Variants in PTPRZ1 observed in about 807,000 individuals in gnomAD.
PTPRZ1 encodes receptor-type tyrosine-protein phosphatase zeta.
In PTPRZ1, 82 loss-of-function variants were observed where a neutral mutation model predicts 214.1. The ratio of observed to expected loss-of-function variants is 0.38; its 90% CI spans 0.32 to 0.46. PTPRZ1 has a LOEUF of 0.46. Ranked by LOEUF, PTPRZ1 falls within the 20% of genes least tolerant of loss-of-function variation. The probability of loss-of-function intolerance (pLI) is 1.00; values close to 1 mark genes in which losing one functional copy is unlikely to be tolerated. For synonymous variants in PTPRZ1, 945 were observed against 987.9 expected (o/e 0.96, Z 0.81); for missense variants, 2,603 against 2,748.7 (o/e 0.95, Z 1.19).
At chr7:121,925,492 A>T (rs566716592) in intron 1 of PTPRZ1, among the ~76,000 whole-genome samples, 2 of 152,378 alleles carry the variant, frequency 1.3e-5, no homozygotes, top group Admixed American at 1.3e-4. Context: ...TGGATGAATA[A>T]AATATGGTAT....
At chr7:121,937,043 G>A (rs1299667708) in intron 2 of PTPRZ1, among the ~76,000 whole-genome samples, 1 of 152,204 alleles carries the variant, frequency 6.6e-6, no homozygotes, top group Non-Finnish European at 1.5e-5. Flanking sequence ...GAGATCGTCT[G>A]TGGCCCTTAC....
At chr7:121,901,191 A>T (rs1190228832) in intron 1 of PTPRZ1, among the ~76,000 whole-genome samples, 1 of 152,190 alleles carries the variant, frequency 6.6e-6, no homozygotes, top group Non-Finnish European at 1.5e-5. Flanking sequence ...ATGTTATAAA[A>T]AGCCCCTTCC....
chr7:121,949,671 A>T (rs979749945), intron 2 of PTPRZ1, among the ~76,000 whole-genome samples: 3 of 152,314 alleles, frequency 2.0e-5, no homozygotes, highest in Admixed American at 1.3e-4. Context: ...GTTTGGCTTT[A>T]TACATTCTAG....
At chr7:121,984,639 T>C (rs1215678925) in intron 8 of PTPRZ1, among the ~76,000 whole-genome samples, 2 of 152,140 alleles carry the variant, frequency 1.3e-5, no homozygotes, top group African/African-American at 4.8e-5. Flanking sequence ...TAGCACCTTA[T>C]CAGTACTGAA....
intron 13 of PTPRZ1, among the ~76,000 whole-genome samples, chr7:122,024,635 A>G (rs953412758): frequency 6.6e-6 from 1 of 151,588 alleles, no homozygotes; most frequent in Admixed American, 6.6e-5. Flanking sequence ...GGTATTATTT[A>G]TAAGGTCTTT....
At chr7:121,982,745 T>C (rs1797647903) in intron 6 of PTPRZ1, among the ~76,000 whole-genome samples, 1 of 152,176 alleles carries the variant, frequency 6.6e-6, no homozygotes, top group African/African-American at 2.4e-5. Context: ...ATTTCACTTA[T>C]TATTTCTCAT....
chr7:121,928,269 T>G (rs1270879957), intron 2 of PTPRZ1, 48 bp downstream of exon 2: 4 of 1,383,584 alleles, frequency 2.9e-6, no homozygotes, highest in South Asian at 1.3e-5. Context: ...CTTTTATTGT[T>G]TTGTATCTAT....
chr7:121,982,565 T>C (rs574779584), intron 6 of PTPRZ1, among the ~76,000 whole-genome samples: 8 of 152,208 alleles, frequency 5.3e-5, no homozygotes, highest in Non-Finnish European at 1.2e-4. Context: ...GAATGTTTTG[T>C]AATTTTCAGT....
chr7:121,895,488 G>A (rs1281787411), intron 1 of PTPRZ1, among the ~76,000 whole-genome samples: 1 of 152,158 alleles, frequency 6.6e-6, no homozygotes, highest in Non-Finnish European at 1.5e-5. Context: ...TTTTTATTAA[G>A]AGAGATGTAA....
rs776106713 is a variant in PTPRZ1, at chr7:122,040,857, G to C, written c.5679G>C (p.Gln1893His). The C allele has an allele frequency of 6.3e-6, 10 of 1,599,362 alleles. No individual in the cohort carries two copies. Among genetic ancestry groups the C allele is most frequent in the Non-Finnish European group, 8.5e-6 (10 of 1,170,374 alleles). Residue 1893 changes from glutamine (Q) to histidine (H), a missense_variant, in exon 21 of 30, where the codon CAG becomes CAC. This residue lies in a region of PTPRZ1 where 1,913 missense variants were observed against 1,914.3 expected (regional missense o/e 1.00). Coordinates refer to ENST00000393386, the MANE Select transcript of PTPRZ1 (RefSeq NM_002851.3). ...GACCCAGTGGACGTGTGGTCACACA[G>C]TATCACTACACGCAGTGGCCTGACA... ...KGRPSGRVVT[Q>H]YHYTQWPDMG...
chr7:121,982,311 C>A (rs1471006907), intron 6 of PTPRZ1, among the ~76,000 whole-genome samples: 1 of 152,190 alleles, frequency 6.6e-6, no homozygotes, highest in African/African-American at 2.4e-5. Context: ...GACAGCTCTT[C>A]CTATCTGGTA....
intron 13 of PTPRZ1, among the ~76,000 whole-genome samples, chr7:122,022,290 A>G (rs1259374468): frequency 2.0e-5 from 3 of 152,160 alleles, no homozygotes; most frequent in African/African-American, 4.8e-5. Context: ...GTGTTTTTTC[A>G]TGTGCTTGTT....
rs761886146 is a variant in PTPRZ1, at chr7:121,997,893, A to G, written c.1127A>G (p.Asn376Ser). ...DGYQDLGAIL[N>S]NLLPNMSYVL... ...TCTTTCTTTTAGGGTGCTATTCTCAATAATTTGCTACCCAATATGAGTTAT... is the reference window on the plus strand; with the variant it reads ...TCTTTCTTTTAGGGTGCTATTCTCAGTAATTTGCTACCCAATATGAGTTAT... The change falls in exon 10 of 30, where the codon AAT (asparagine) becomes AGT (serine). Residue 376 changes from asparagine to serine, a missense_variant. By Grantham distance (46) the Asn-to-Ser change is conservative (BLOSUM62 1). Around this residue, in one of 6 missense-constraint regions of PTPRZ1, gnomAD observed 244 missense variants for 333.2 expected, o/e 0.73. Coordinates refer to ENST00000393386, the MANE Select transcript of PTPRZ1 (RefSeq NM_002851.3). The G allele has an allele frequency of 1.9e-6, 3 of 1,606,950 alleles. No homozygotes were observed. Among genetic ancestry groups the G allele is most frequent in the East Asian group, 2.2e-5 (1 of 44,784 alleles).
At position 121,967,989 on chromosome 7, in the gene PTPRZ1, A is replaced by T; in HGVS notation, c.163A>T (p.Thr55Ser). 6.3e-7 allele frequency: 1 copy of T among 1,592,940 alleles called. No individual in the cohort carries two copies. The highest frequency in any genetic ancestry group is 8.6e-7 in the Non-Finnish European group (1 of 1,164,494). ...AAAAAATTGGGGAAAGAAATATCCAACATGTAATAGCCCAAAACAATCTCC... is the reference window on the plus strand; with the variant it reads ...AAAAAATTGGGGAAAGAAATATCCATCATGTAATAGCCCAAAACAATCTCC... ...NQKNWGKKYP[T>S]CNSPKQSPIN... is the part of the protein sequence containing the mutation. The change falls in exon 3 of 30, where the codon ACA becomes TCA. Residue 55 changes from threonine (T) to serine (S), a missense_variant. Around this residue, in one of 6 missense-constraint regions of PTPRZ1, gnomAD observed 141 missense variants for 143.7 expected, o/e 0.98. Transcript: ENST00000393386.
chr7:121,972,149 A>G (rs1431036116), intron 3 of PTPRZ1, among the ~76,000 whole-genome samples: 1 of 144,754 alleles, frequency 6.9e-6, no homozygotes, highest in African/African-American at 2.6e-5. Context: ...GAGAACTCTG[A>G]GGAGAAGACT....
chr7:122,060,992 G>A (rs1178834383), intron 29 of PTPRZ1, 88 bp from the exon 30 acceptor site: 2 of 1,350,822 alleles, frequency 1.5e-6, no homozygotes, highest in African/African-American at 1.5e-5. Context: ...GAACAGTGCT[G>A]AAGTGTGTCT....
intron 23 of PTPRZ1, among the ~76,000 whole-genome samples, chr7:122,049,818 T>C (rs890795518): frequency 2.0e-5 from 3 of 152,156 alleles, no homozygotes. Flanking sequence ...ACAGCCAAAA[T>C]ATCTCACCTA....
intron 23 of PTPRZ1, among the ~76,000 whole-genome samples, chr7:122,049,715 T>C (rs537826476): frequency 2.6e-5 from 4 of 152,186 alleles, no homozygotes; most frequent in Non-Finnish European, 5.9e-5. Context: ...CTCCTTACAT[T>C]GACTATAGAA....
intron 23 of PTPRZ1, among the ~76,000 whole-genome samples, 188 bp downstream of exon 23, chr7:122,044,756 A>T (rs1035162617): frequency 2.6e-5 from 4 of 152,168 alleles, no homozygotes; most frequent in Non-Finnish European, 4.4e-5. Flanking sequence ...CATAATTCTG[A>T]GCAGCAAGAG....
Sources: allele counts gnomAD v4.1 joint callset (sites outside exome capture counted in the v4.1 genomes callset), GRCh38; gene constraint gnomAD v4.1.1; regional missense constraint gnomAD v4.1.1; transcripts MANE v1.5; gene names NCBI Gene and HGNC (gene_info 2026-07-23, HGNC 2026-07-21).